Variants in GALR1 observed in about 807,000 individuals in gnomAD.
GALR1 encodes galanin receptor 1.
In GALR1, 11 loss-of-function variants were observed where a neutral mutation model predicts 17.9. That is an observed-to-expected ratio of 0.62 (90% CI 0.39 to 1.02). The LOEUF (loss-of-function observed/expected upper bound fraction) is 1.02. GALR1 is among the 50% of genes least tolerant of loss of function. The pLI is 0.01. For missense variants in GALR1, 441 were observed against 456.9 expected, an observed-to-expected ratio of 0.97 and a Z score of 0.32; for synonymous variants, 206 against 205.7, an observed-to-expected ratio of 1.00 and a Z score of -0.01.
chr18:77,261,460 T>C (rs922672756), intron 2 of GALR1, among the ~76,000 whole-genome samples: 1 of 152,206 alleles, frequency 6.6e-6, no homozygotes, highest in African/African-American at 2.4e-5. Context: ...TCTATGTTAC[T>C]TTCTCTGCGC....
intron 2 of GALR1, among the ~76,000 whole-genome samples, chr18:77,260,132 T>C (rs1233012226): frequency 1.3e-5 from 2 of 152,160 alleles, no homozygotes; most frequent in Admixed American, 1.3e-4. Context: ...ATAGTCTGGG[T>C]GGCTCATAAA....
chr18:77,256,390 C>T (rs563078544), intron 2 of GALR1, among the ~76,000 whole-genome samples, 167 bp downstream of exon 2: 20 of 152,036 alleles, frequency 1.3e-4, no homozygotes, highest in Non-Finnish European at 2.5e-4. Context: ...AATGGAGGGT[C>T]GGCCTTGGCA....
At chr18:77,263,385 G>A (rs1912875543) in intron 2 of GALR1, among the ~76,000 whole-genome samples, 1 of 152,146 alleles carries the variant, frequency 6.6e-6, no homozygotes, top group Admixed American at 6.5e-5. Flanking sequence ...TACCTGAGTT[G>A]TTTGTCGTGT....
chr18:77,263,734 G>A (rs1048303105), intron 2 of GALR1, among the ~76,000 whole-genome samples: 3 of 152,054 alleles, frequency 2.0e-5, no homozygotes, highest in African/African-American at 7.2e-5. Context: ...ATCATTTCAC[G>A]TCTTACTTTG....
chr18:77,251,127 C>G lies in GALR1; in HGVS notation c.579C>G (p.Asp193Glu), dbSNP rs780360383. 1.2e-6 allele frequency: 2 copies of G among 1,613,042 alleles called. No homozygotes were observed. The highest frequency in any genetic ancestry group is 8.5e-7 in the Non-Finnish European group (1 of 1,179,938). The change falls in exon 1 of 3, where the codon GAC (aspartate) becomes GAG (glutamate). Residue 193 changes from aspartate to glutamate, a missense_variant. Transcript: ENST00000299727. ...CCTTCTGCTGGGAGCAGTGGCCCGA[C>G]CCTCGCCACAAGAAGGCCTACGTGG... Reference protein sequence around the residue: ...NQTFCWEQWPDPRHKKAYVVC... With the variant: ...NQTFCWEQWPEPRHKKAYVVC...
chr18:77,262,004 A>G (rs1912840593), intron 2 of GALR1, among the ~76,000 whole-genome samples: 1 of 152,070 alleles, frequency 6.6e-6, no homozygotes, highest in East Asian at 1.9e-4. Context: ...ATTTGAAAAC[A>G]TTTTTTAAAG....
At chr18:77,258,761 G>A (rs111211720) in intron 2 of GALR1, among the ~76,000 whole-genome samples, 6,068 of 136,530 alleles carry the variant, frequency 0.044, 728 homozygotes, top group African/African-American at 0.18. Flanking sequence ...GGTGATGATG[G>A]CAATTGTGAT....
chr18:77,275,197 G>A lies in GALR1; in HGVS notation c.*6295G>A, dbSNP rs575915890. 6.6e-6 allele frequency: 1 copy of A among 152,298 alleles called. No individual in the cohort carries two copies. The highest frequency in any genetic ancestry group is 6.5e-5 in the Admixed American group (1 of 15,284). The allele number at this position is 152,298 out of a possible 1,614,324, so 9.4% of individuals were successfully genotyped here. On this transcript the variant is annotated 3_prime_UTR_variant, in exon 3 of 3. Coordinates refer to ENST00000299727, the MANE Select transcript of GALR1 (RefSeq NM_001480.4). Reference sequence around the variant, plus strand: ...CCACATCTCTGAGAATTCGTTCCCTGTGGGTGTCTGGGGTGCATCGTTACT... The same window carrying A: ...CCACATCTCTGAGAATTCGTTCCCTATGGGTGTCTGGGGTGCATCGTTACT...
At position 77,272,490 on chromosome 18, in the gene GALR1, A is replaced by G. The variant is rs1913083804; in HGVS notation, c.*3588A>G. 1 of 152,248 alleles carries G rather than the reference A, an allele frequency of 6.6e-6. No individual in the cohort carries two copies. The highest frequency in any genetic ancestry group is 2.4e-5 in the African/African-American group (1 of 41,466). 9.4% of individuals were successfully genotyped at this position (152,248 alleles called of 1,614,324 possible). Reference sequence around the variant, plus strand: ...GGCAGCTTCATCATGTTCTTGCTTTAAATGATTTATCAAATACATGTATGT... The same window carrying G: ...GGCAGCTTCATCATGTTCTTGCTTTGAATGATTTATCAAATACATGTATGT... On this transcript the variant is annotated 3_prime_UTR_variant, in exon 3 of 3. Transcript: ENST00000299727.
Position 77,273,982 on chromosome 18 carries a change from G to A in GALR1, c.*5080G>A, listed in dbSNP as rs1178239816. 2 of 152,184 alleles carry A rather than the reference G, an allele frequency of 1.3e-5. No individual in the cohort carries two copies. Among genetic ancestry groups the A allele is most frequent in the Admixed American group, 1.3e-4 (2 of 15,278 alleles). The allele number at this position is 152,184 out of a possible 1,614,324, so 9.4% of individuals were successfully genotyped here. A position where few individuals can be genotyped will look rare whatever the true frequency, so the allele number is the denominator to read the frequency against. ...TTTAAATTTTTGACTCTCAGGTAGT[G>A]GTGATCGTTATGGTAACCCATGAAC... On this transcript the variant is annotated 3_prime_UTR_variant, in exon 3 of 3. Transcript: ENST00000299727.
Position 77,276,570 on chromosome 18 carries a change from C to T in GALR1, c.*7668C>T, listed in dbSNP as rs991998973. 14 of 152,178 alleles carry T rather than the reference C, an allele frequency of 9.2e-5. No homozygotes were observed. The highest frequency in any genetic ancestry group is 2.1e-4 in the South Asian group (1 of 4,830). The allele number at this position is 152,178 out of a possible 1,614,324, so 9.4% of individuals were successfully genotyped here. ...TCAGTAGATTTGGGATGGAGCCCAA[C>T]GATTTGCAGCTGGTCCAGAGACCAC... On this transcript the variant is annotated 3_prime_UTR_variant, in exon 3 of 3. Coordinates refer to ENST00000299727, the MANE Select transcript of GALR1 (RefSeq NM_001480.4).
intron 2 of GALR1, among the ~76,000 whole-genome samples, chr18:77,264,387 T>C (rs1021512304): frequency 2.0e-5 from 3 of 152,168 alleles, no homozygotes; most frequent in African/African-American, 7.2e-5. Flanking sequence ...AATAAGGCTC[T>C]GTTTATTTTC....
chr18:77,272,555 G>T lies in GALR1; in HGVS notation c.*3653G>T, dbSNP rs924474195. On this transcript the variant is annotated 3_prime_UTR_variant, in exon 3 of 3. Transcript: ENST00000299727. Reference sequence around the variant, plus strand: ...CTAACTGCGAAAATACATCAATGTGGCTACTTCCTCTGGAAAGTTACTGTC... The same window carrying T: ...CTAACTGCGAAAATACATCAATGTGTCTACTTCCTCTGGAAAGTTACTGTC... The T allele has an allele frequency of 3.3e-5, 5 of 152,196 alleles. No individual in the cohort carries two copies. The highest frequency in any genetic ancestry group is 5.9e-5 in the Non-Finnish European group (4 of 68,040). The allele number at this position is 152,196 out of a possible 1,614,324, so 9.4% of individuals were successfully genotyped here.
intron 2 of GALR1, among the ~76,000 whole-genome samples, chr18:77,259,441 ATGGTGATCATGGTGGTGATGG>A (rs1599360093): frequency 2.2e-5 from 3 of 135,414 alleles, no homozygotes; most frequent in East Asian, 4.8e-4. Flanking sequence ...GGTGGTGATG[ATGGTGATCATGGTGGTGATGG>A]TGGTGATGGT....
In GALR1 at chr18:77,271,977, G is replaced by A. The variant is rs1255613969; in HGVS notation, c.*3075G>A. 1 of 151,222 alleles carries A rather than the reference G, an allele frequency of 6.6e-6. No individual in the cohort carries two copies. The highest frequency in any genetic ancestry group is 1.5e-5 in the Non-Finnish European group (1 of 67,404). The allele number at this position is 151,222 out of a possible 1,614,324, so 9.4% of individuals were successfully genotyped here. A position where few individuals can be genotyped will look rare whatever the true frequency, so the allele number is the denominator to read the frequency against. On this transcript the variant is annotated 3_prime_UTR_variant, in exon 3 of 3. Coordinates refer to ENST00000299727, the MANE Select transcript of GALR1 (RefSeq NM_001480.4). ...ACCGGGTATGTACTCAGCAACATGG[G>A]GGACTGAGGCCATTTTCTGAATACT...
chr18:77,253,001 C>G (rs868444368), intron 1 of GALR1, among the ~76,000 whole-genome samples: 1 of 55,900 alleles, frequency 1.8e-5, no homozygotes. Context: ...ACCACCACCA[C>G]CACCACCACC....
rs755422010 is a variant in GALR1, at chr18:77,272,047, A to G, written c.*3145A>G. The stretch of plus-strand genomic sequence containing the variant: ...TTTTAACTAAATTGTTTTATTTTAC[A>G]CATTGGGAGTAAAACCATTTCCGCC... On this transcript the variant is annotated 3_prime_UTR_variant, in exon 3 of 3. Coordinates refer to ENST00000299727, the MANE Select transcript of GALR1 (RefSeq NM_001480.4). The G allele has an allele frequency of 2.0e-5, 3 of 152,218 alleles. No homozygotes were observed. Among genetic ancestry groups the G allele is most frequent in the Non-Finnish European group, 4.4e-5 (3 of 68,036 alleles). 9.4% of individuals were successfully genotyped at this position (152,218 alleles called of 1,614,324 possible). A position where few individuals can be genotyped will look rare whatever the true frequency, so the allele number is the denominator to read the frequency against.
intron 2 of GALR1, among the ~76,000 whole-genome samples, chr18:77,258,633 G>GTGGTGGTGATGGTGA (rs1912666552): frequency 6.7e-6 from 1 of 149,042 alleles, no homozygotes; most frequent in Non-Finnish European, 1.5e-5. Flanking sequence ...GGTGATGGTG[G>GTGGTGGTGATGGTGA]TGATGGTGGT....
intron 2 of GALR1, 26 bp from the exon 3 acceptor site, chr18:77,268,559 C>T: frequency 1.3e-6 from 2 of 1,568,318 alleles, no homozygotes; most frequent in Admixed American, 1.7e-5. Flanking sequence ...CCTCCTCCTC[C>T]TCCTCCTCCT....
Sources: allele counts gnomAD v4.1 joint callset (sites outside exome capture counted in the v4.1 genomes callset), GRCh38; gene constraint gnomAD v4.1.1; transcripts MANE v1.5; gene names NCBI Gene and HGNC (gene_info 2026-07-23, HGNC 2026-07-21).